Variants in MYRFL observed in about 807,000 individuals in gnomAD.
MYRFL encodes the protein myelin regulatory factor-like protein.
MYRFL carries 88 observed loss-of-function variants against 109.4 expected under a neutral mutation model. The ratio of observed to expected loss-of-function variants is 0.80; its 90% confidence interval spans 0.68 to 0.96. MYRFL has a LOEUF of 0.96. MYRFL is among the 40% of genes least tolerant of loss of function. The pLI is 0.00. For missense variants in MYRFL, 957 were observed against 954.9 expected, an observed-to-expected ratio of 1.00 and a Z score of -0.03; for synonymous variants, 324 against 320.9, an observed-to-expected ratio of 1.01 and a Z score of -0.10.
At chr12:69,891,603 T>TTCTTTCTTTCTTTCTTTCTC (rs762303793) in intron 7 of MYRFL, among the ~76,000 whole-genome samples, 2 of 52,692 alleles carry the variant, frequency 3.8e-5, no homozygotes, top group African/African-American at 1.5e-4. Context: ...CTTTCTTTCT[T>TTCTTTCTTTCTTTCTTTCTC]TCTCTTTCTT....
At chr12:69,912,245 G>A (rs1954594456) in intron 13 of MYRFL, among the ~76,000 whole-genome samples, 1 of 152,190 alleles carries the variant, frequency 6.6e-6, no homozygotes, top group Non-Finnish European at 1.5e-5. Context: ...CATTTCACTT[G>A]AGAGGTATAT....
chr12:69,907,610 C>T (rs1052885805), intron 11 of MYRFL, among the ~76,000 whole-genome samples: 18 of 152,178 alleles, frequency 1.2e-4, no homozygotes, highest in African/African-American at 4.1e-4. Context: ...GATTGACCCT[C>T]TCTCTTCAAT....
intron 22 of MYRFL, among the ~76,000 whole-genome samples, chr12:69,955,717 C>CCTGA (rs1163493556): frequency 1.3e-5 from 2 of 152,064 alleles, no homozygotes; most frequent in African/African-American, 4.8e-5. Flanking sequence ...ATAGACTTCC[C>CCTGA]CTGACTTTCT....
At chr12:69,905,862 ATGT>A (rs1235942955) in intron 11 of MYRFL, among the ~76,000 whole-genome samples, 1 of 152,198 alleles carries the variant, frequency 6.6e-6, no homozygotes, top group East Asian at 1.9e-4. Flanking sequence ...GATGATGGTA[ATGT>A]TGATGATGCT....
intron 5 of MYRFL, among the ~76,000 whole-genome samples, chr12:69,881,973 T>C (rs540025170): frequency 4.6e-4 from 70 of 152,258 alleles, no homozygotes; most frequent in Non-Finnish European, 9.6e-4. Context: ...ATGCGCTAGC[T>C]CACTAAGGGA....
chr12:69,854,259 C>T (rs1884123590), intron 1 of MYRFL, among the ~76,000 whole-genome samples: 2 of 150,054 alleles, frequency 1.3e-5, no homozygotes, highest in South Asian at 4.4e-4. Flanking sequence ...GCAGGAGAAT[C>T]AGGCAGGGAG....
intron 1 of MYRFL, among the ~76,000 whole-genome samples, chr12:69,851,830 G>A (rs532779865): frequency 6.6e-6 from 1 of 152,144 alleles, no homozygotes; most frequent in South Asian, 2.1e-4. Flanking sequence ...GCTCATCTTT[G>A]GGGGAGTTTT....
intron 1 of MYRFL, among the ~76,000 whole-genome samples, chr12:69,841,612 A>G (rs74527680): frequency 0.045 from 6,781 of 152,238 alleles, 223 homozygotes; most frequent in South Asian, 0.12. Flanking sequence ...ACACCACACC[A>G]GGTCAGACTT....
At chr12:69,860,307 T>A (rs1189640033) in intron 2 of MYRFL, among the ~76,000 whole-genome samples, 2 of 152,194 alleles carry the variant, frequency 1.3e-5, no homozygotes, top group Admixed American at 1.3e-4. Context: ...TTTATAGTAT[T>A]CCATGGTGTA....
At chr12:69,906,081 A>G (rs1016394434) in intron 11 of MYRFL, among the ~76,000 whole-genome samples, 1 of 152,250 alleles carries the variant, frequency 6.6e-6, no homozygotes, top group Non-Finnish European at 1.5e-5. Flanking sequence ...TACAAAATGT[A>G]GTGGTCAAAT....
chr12:69,938,059 T>G (rs1273063436), intron 19 of MYRFL, among the ~76,000 whole-genome samples: 1 of 152,234 alleles, frequency 6.6e-6, no homozygotes, highest in African/African-American at 2.4e-5. Flanking sequence ...GCTTTTCTCA[T>G]GAAAACTATT....
rs1259579556 is a variant in MYRFL at position 69,883,701 on chromosome 12, A to G, written c.557-3119A>G. 3.0e-5 allele frequency among the ~76,000 whole-genome samples: 3 copies of G among 98,708 alleles called. No individual in the cohort carries two copies. The Admixed American group carries it at 3.1e-4, about 10-fold the overall frequency. 64.8% of individuals were successfully genotyped at this position (98,708 alleles called of 152,430 possible). On this transcript the variant is annotated intron_variant, in intron 5 of 24. Transcript: ENST00000552032. ...AACAAAGTAAGATCCTGTCTCTACA[A>G]AAAGTAAAAAAAAAAAAAAAAAAAA...
chr12:69,941,782 C>T (rs1228159093), intron 19 of MYRFL, among the ~76,000 whole-genome samples: 26 of 150,536 alleles, frequency 1.7e-4, no homozygotes, highest in African/African-American at 2.2e-4. Flanking sequence ...ATTGATAGAC[C>T]GCTAGCAAGA....
At chr12:69,877,302 C>A (rs1333521437) in intron 2 of MYRFL, among the ~76,000 whole-genome samples, 1 of 152,182 alleles carries the variant, frequency 6.6e-6, no homozygotes, top group Non-Finnish European at 1.5e-5. Context: ...GGATTACAGG[C>A]ATGAGCCACC....
intron 2 of MYRFL, among the ~76,000 whole-genome samples, chr12:69,870,991 C>G (rs559480748): frequency 6.6e-6 from 1 of 152,122 alleles, no homozygotes; most frequent in Admixed American, 6.5e-5. Context: ...TTCAATGATG[C>G]CTGTAGTGTC....
At chr12:69,913,529 C>T (rs1465877862) in intron 13 of MYRFL, among the ~76,000 whole-genome samples, 1 of 152,118 alleles carries the variant, frequency 6.6e-6, no homozygotes, top group Non-Finnish European at 1.5e-5. Context: ...CCCAGTTTTC[C>T]TGGCACAATT....
intron 15 of MYRFL, 58 bp downstream of exon 15, chr12:69,927,806 G>C: frequency 7.0e-7 from 1 of 1,438,462 alleles, no homozygotes; most frequent in Non-Finnish European, 9.3e-7. Flanking sequence ...AAAGTCTTTA[G>C]AGAAATCAGT....
In MYRFL at chr12:69,958,541, GT is replaced by G; in HGVS notation, c.*13del. 6.6e-7 allele frequency: 1 copy of G among 1,519,466 alleles called. No homozygotes were observed. Among genetic ancestry groups the G allele is most frequent in the Non-Finnish European group, 8.8e-7 (1 of 1,139,120 alleles). 94.1% of individuals were successfully genotyped at this position (1,519,466 alleles called of 1,614,324 possible). On this transcript the variant is annotated 3_prime_UTR_variant, in exon 25 of 25. Transcript: ENST00000552032. ...TCGACGCTGTGCCTAATTTGTTCAAGTTTGGGGACTTTACCAAAGAAAAATA... is the reference window on the plus strand; with the variant it reads ...TCGACGCTGTGCCTAATTTGTTCAAGTTGGGGACTTTACCAAAGAAAAATA...
rs1956146180 is a variant in MYRFL at position 69,958,500 on chromosome 12, ACTT to A, written c.2706_2708del (p.Phe903del). On this transcript the variant is annotated inframe_deletion, in exon 25 of 25. Coordinates refer to ENST00000552032, the MANE Select transcript of MYRFL (RefSeq NM_182530.3). ...TTTGCTGGGATATTCTTCACCGATT[ACTT>A]CTTTTACTTCTATCGACGCTGTGCC... 1 of 1,534,832 alleles carries A rather than the reference ACTT, an allele frequency of 6.5e-7. No individual in the cohort carries two copies.
Sources: gnomAD v4.1 joint callset for allele counts (sites outside exome capture counted in the v4.1 genomes callset) on GRCh38, gnomAD v4.1.1 for gene constraint, MANE v1.5 for transcripts, NCBI Gene and HGNC (gene_info 2026-07-23, HGNC 2026-07-21) for gene names.